DPP10: variants seen among roughly 807,000 people sequenced by gnomAD.
The protein encoded by DPP10 is dipeptidyl peptidase like 10.
DPP10 carries 33 observed loss-of-function variants against 120.9 expected under a neutral mutation model. The observed-to-expected ratio is 0.27, with a 90% CI of 0.21 to 0.37. The LOEUF is 0.37. Among genes scored for constraint, DPP10 ranks in the 10% least tolerant of loss-of-function variants. The pLI, the probability that DPP10 is intolerant of heterozygous loss-of-function variation, is 1.00. For synonymous variants in DPP10, 337 were observed against 326.1 expected, an observed-to-expected ratio of 1.03 and a Z score of -0.36; for missense variants, 816 against 942.8, an observed-to-expected ratio of 0.87 and a Z score of 1.76.
intron 1 of DPP10, among the ~76,000 whole-genome samples, chr2:115,079,774 G>A (rs1290547248): frequency 3.3e-5 from 5 of 152,176 alleles, no homozygotes; most frequent in Admixed American, 2.0e-4. Flanking sequence ...ACATCATGAT[G>A]AGTGACTGCA....
intron 1 of DPP10, among the ~76,000 whole-genome samples, chr2:114,721,162 A>C (rs1701682643): frequency 6.6e-6 from 1 of 152,214 alleles, no homozygotes; most frequent in African/African-American, 2.4e-5. Context: ...TAAATGAAGA[A>C]ATTGGACTTC....
chr2:114,536,140 G>A lies in DPP10; in HGVS notation c.60+93302G>A, dbSNP rs116742546. Among the ~76,000 whole-genome samples, 524 of 152,192 alleles carry A rather than the reference G, an allele frequency of 3.4e-3. 7 individuals are homozygous for A. The highest frequency in any genetic ancestry group is 0.012 in the African/African-American group (485 of 41,538). On this transcript the variant is annotated intron_variant, in intron 1 of 25. Transcript: ENST00000410059. ...CATTGGTGCATCCTGCATCGACATG[G>A]TTTGCCTGAGCTTCCATGCCCTCTT...
intron 21 of DPP10, among the ~76,000 whole-genome samples, chr2:115,821,109 G>A (rs558570353): frequency 1.3e-5 from 2 of 152,078 alleles, no homozygotes; most frequent in Non-Finnish European, 2.9e-5. Context: ...AAAAGTGTTA[G>A]TGTTACATAT....
intron 3 of DPP10, among the ~76,000 whole-genome samples, chr2:115,456,958 T>TA (rs1433915442): frequency 9.0e-6 from 1 of 111,300 alleles, no homozygotes; most frequent in Non-Finnish European, 2.3e-5. Context: ...CCCCAGAACT[T>TA]AAAGTATAAT....
At chr2:115,733,191 TA>T (rs971280358) in intron 8 of DPP10, among the ~76,000 whole-genome samples, 1 of 152,304 alleles carries the variant, frequency 6.6e-6, no homozygotes. Flanking sequence ...TTTGTTGAAA[TA>T]AAACAGGGCA....
chr2:115,351,689 A>G (rs2064046524), intron 3 of DPP10, among the ~76,000 whole-genome samples: 1 of 152,086 alleles, frequency 6.6e-6, no homozygotes, highest in African/African-American at 2.4e-5. Flanking sequence ...TATATATGAC[A>G]AAGTATCTTC....
chr2:115,090,955 C>T (rs933193694), intron 1 of DPP10, among the ~76,000 whole-genome samples: 2 of 152,140 alleles, frequency 1.3e-5, no homozygotes, highest in African/African-American at 2.4e-5. Flanking sequence ...AGCCATTAGG[C>T]TGATACCGTT....
At chr2:114,698,837 A>T (rs1416317362) in intron 1 of DPP10, among the ~76,000 whole-genome samples, 1 of 152,090 alleles carries the variant, frequency 6.6e-6, no homozygotes, top group African/African-American at 2.4e-5. Context: ...TAAAAACAAG[A>T]TGGTCATAAC....
chr2:114,495,333 CATCTT>C (rs1682419359), intron 1 of DPP10, among the ~76,000 whole-genome samples: 2 of 152,146 alleles, frequency 1.3e-5, no homozygotes, highest in African/African-American at 4.8e-5. Context: ...ACATTTAACT[CATCTT>C]ATCTACCTTT....
At chr2:115,660,735 G>A (rs1284823086) in intron 5 of DPP10, among the ~76,000 whole-genome samples, 1 of 85,446 alleles carries the variant, frequency 1.2e-5, no homozygotes, top group Non-Finnish European at 2.3e-5. Flanking sequence ...TGTTTATTCT[G>A]TTTTGCTTTG....
chr2:115,185,271 A>G (rs2054356753), intron 1 of DPP10, among the ~76,000 whole-genome samples: 1 of 150,526 alleles, frequency 6.6e-6, no homozygotes, highest in Non-Finnish European at 1.5e-5. Flanking sequence ...CTTTTAGACT[A>G]TACGCATACA....
chr2:114,564,256 A>G (rs956280197), intron 1 of DPP10, among the ~76,000 whole-genome samples: 4 of 152,108 alleles, frequency 2.6e-5, no homozygotes, highest in South Asian at 2.1e-4. Flanking sequence ...GTCAACAGAG[A>G]CTATTCACTA....
chr2:114,888,157 AAAAG>A (rs1692231703), intron 1 of DPP10, among the ~76,000 whole-genome samples: 1 of 151,790 alleles, frequency 6.6e-6, no homozygotes, highest in African/African-American at 2.4e-5. Context: ...AAAAAAAAAA[AAAAG>A]AAAAGAAAAA....
chr2:115,621,258 C>G (rs924652938), intron 5 of DPP10, among the ~76,000 whole-genome samples: 7 of 152,128 alleles, frequency 4.6e-5, no homozygotes, highest in African/African-American at 1.7e-4. Flanking sequence ...AACTTAAGTG[C>G]TAGCTTTCAG....
chr2:115,814,206 A>G (rs1686973663), intron 19 of DPP10, among the ~76,000 whole-genome samples: 2 of 152,176 alleles, frequency 1.3e-5, no homozygotes, highest in Admixed American at 6.5e-5. Flanking sequence ...AGTGATAAAA[A>G]AGAATTTTTC....
At chr2:114,740,038 C>T (rs1677867706) in intron 1 of DPP10, among the ~76,000 whole-genome samples, 1 of 151,880 alleles carries the variant, frequency 6.6e-6, no homozygotes, top group Admixed American at 6.6e-5. Flanking sequence ...AATCATGCTG[C>T]TATAAAGACA....
intron 5 of DPP10, among the ~76,000 whole-genome samples, chr2:115,631,606 T>C (rs2085875784): frequency 6.6e-6 from 1 of 152,224 alleles, no homozygotes; most frequent in African/African-American, 2.4e-5. Flanking sequence ...TTTTGATACA[T>C]TGTCTCTTTG....
At chr2:115,355,292 T>C (rs1356804057) in intron 3 of DPP10, among the ~76,000 whole-genome samples, 1 of 152,200 alleles carries the variant, frequency 6.6e-6, no homozygotes, top group Non-Finnish European at 1.5e-5. Context: ...GGTTTTGATT[T>C]GCATTTCTCT....
At chr2:115,806,989 G>A (rs1686055687) in intron 19 of DPP10, among the ~76,000 whole-genome samples, 1 of 152,128 alleles carries the variant, frequency 6.6e-6, no homozygotes, top group South Asian at 2.1e-4. Flanking sequence ...TTTATAAAAT[G>A]TGCTAAGCTT....
Sources: allele counts gnomAD v4.1 joint callset (sites outside exome capture counted in the v4.1 genomes callset), GRCh38; gene constraint gnomAD v4.1.1; transcripts MANE v1.5; gene names NCBI Gene and HGNC (gene_info 2026-07-23, HGNC 2026-07-21).